The following ZNF418 variants were observed in gnomAD, a reference collection of about 807,000 sequenced individuals.
ZNF418 encodes the protein zinc finger protein 418.
A neutral mutation model predicts 32.0 loss-of-function variants in ZNF418; 32 were observed. That is an observed-to-expected ratio of 1.00 (90% CI 0.75 to 1.34). The LOEUF is 1.34. Ranked by LOEUF, ZNF418 falls within the 40% of genes most tolerant of loss-of-function variation. The pLI is 0.00. For synonymous variants in ZNF418, 276 were observed against 270.7 expected (o/e 1.02, Z -0.19); for missense variants, 804 against 812.5 (o/e 0.99, Z 0.13).
In ZNF418 at chr19:57,933,727, A is replaced by C. The variant is rs567487307; in HGVS notation, c.6+90T>G. 30 of 1,561,740 alleles carry C rather than the reference A, an allele frequency of 1.9e-5. No individual in the cohort carries two copies. In the South Asian group the frequency reaches 3.3e-4, roughly 17 times the overall value. ...TAGAGCGAGACTCCCGCTCAAAAAA[A>C]AAAGGAAAATCTAGTTGCCATTTTA... On this transcript the variant is annotated intron_variant, in intron 2 of 5. Coordinates refer to ENST00000396147, the MANE Select transcript of ZNF418 (RefSeq NM_133460.3).
intron 2 of ZNF418, among the ~76,000 whole-genome samples, chr19:57,933,133 A>G (rs559752596): frequency 8.5e-5 from 13 of 152,324 alleles, no homozygotes; most frequent in African/African-American, 3.1e-4. Flanking sequence ...GACTCTTAAC[A>G]TGGTCAAAAC....
Position 57,926,380 on chromosome 19 carries a change from T to G in ZNF418, c.1801A>C (p.Thr601Pro), listed in dbSNP as rs201663484. Residue 601 changes from threonine (T) to proline (P), a missense_variant, in exon 4 of 6, where the codon ACT becomes CCT. Thr to Pro is a conservative substitution (Grantham distance 38). Transcript: ENST00000396147. ...TGTTTAAAATGCGCAGACCTTCGAGTAAATGTTTTTCCACATTCCCTGCAT... is the reference window on the plus strand; with the variant it reads ...TGTTTAAAATGCGCAGACCTTCGAGGAAATGTTTTTCCACATTCCCTGCAT... ...YECRECGKTF[T>P]RRSAHFKHQR... The G allele has an allele frequency of 3.3e-5, 53 of 1,600,454 alleles. No homozygotes were observed. Among genetic ancestry groups the G allele is most frequent in the Non-Finnish European group, 4.4e-5 (51 of 1,170,460 alleles).
chr19:57,933,742 T>C (rs1227228430), intron 2 of ZNF418, 75 bp downstream of exon 2: 33 of 1,584,472 alleles, frequency 2.1e-5, no homozygotes, highest in Non-Finnish European at 2.5e-5. Flanking sequence ...GAAAATCTAG[T>C]TGCCATTTTA....
intron 3 of ZNF418, among the ~76,000 whole-genome samples, chr19:57,929,140 T>C (rs1006059627): frequency 2.6e-5 from 4 of 152,150 alleles, no homozygotes; most frequent in Non-Finnish European, 4.4e-5. Flanking sequence ...GGAAGATTCG[T>C]TGGGGGATGG....
At chr19:57,924,510 G>A (rs1265613120) in intron 4 of ZNF418, among the ~76,000 whole-genome samples, 1 of 152,186 alleles carries the variant, frequency 6.6e-6, no homozygotes, top group East Asian at 1.9e-4. Flanking sequence ...GTACCTGACA[G>A]TCCACCACAT....
At position 57,926,086 on chromosome 19, in the gene ZNF418, A is replaced by G. The variant is rs1175507708; in HGVS notation, c.*64T>C. Reference sequence around the variant, plus strand: ...TGTCACACTCATAAGGTCCTGATCCAGTAAGAACCCTCTGATCAAGAAGAT... The same window carrying G: ...TGTCACACTCATAAGGTCCTGATCCGGTAAGAACCCTCTGATCAAGAAGAT... On this transcript the variant is annotated 3_prime_UTR_variant, in exon 4 of 6. Transcript: ENST00000396147. 2.2e-6 allele frequency: 3 copies of G among 1,391,246 alleles called. No homozygotes were observed. The highest frequency in any genetic ancestry group is 2.9e-5 in the African/African-American group (2 of 69,204). The allele number at this position is 1,391,246 out of a possible 1,614,324, so 86.2% of individuals were successfully genotyped here. A position where few individuals can be genotyped will look rare whatever the true frequency, so the allele number is the denominator to read the frequency against.
intron 4 of ZNF418, among the ~76,000 whole-genome samples, chr19:57,924,116 G>T (rs2072117098): frequency 6.6e-6 from 1 of 151,402 alleles, no homozygotes; most frequent in African/African-American, 2.4e-5. Context: ...ACTCCAGCCT[G>T]GGTCACAGAG....
intron 3 of ZNF418, among the ~76,000 whole-genome samples, chr19:57,930,100 G>C (rs1043277556): frequency 6.6e-6 from 1 of 152,228 alleles, no homozygotes; most frequent in Admixed American, 6.5e-5. Flanking sequence ...AAGGAAGGAA[G>C]TAGAACCTGG....
intron 2 of ZNF418, chr19:57,932,478 A>G (rs1431438394): frequency 7.2e-6 from 11 of 1,535,330 alleles, no homozygotes; most frequent in African/African-American, 1.4e-5. Context: ...AAGTCATTCT[A>G]TGAAGGCCTT....
At chr19:57,934,435 C>T (rs922341942) in intron 1 of ZNF418, among the ~76,000 whole-genome samples, 1 of 152,168 alleles carries the variant, frequency 6.6e-6, no homozygotes, top group African/African-American at 2.4e-5. Flanking sequence ...AGGCTGGTCT[C>T]GAACTCCCGA....
In ZNF418 at chr19:57,935,328, C is replaced by A; in HGVS notation, c.-248G>T. 1.3e-6 allele frequency: 1 copy of A among 755,682 alleles called. No homozygotes were observed. The highest frequency in any genetic ancestry group is 4.1e-5 in the South Asian group (1 of 24,398). The allele number at this position is 755,682 out of a possible 1,614,324, so 46.8% of individuals were successfully genotyped here. On this transcript the variant is annotated 5_prime_UTR_variant, in exon 1 of 6. It adds an upstream start codon to the 5' untranslated region. Transcript: ENST00000396147. ...CGGTTCGGACCCATAGCTCCAGCGC[C>A]TCTCACCTCACAAACCGCAGAAACA... is the stretch of plus-strand genomic sequence containing the variant.
chr19:57,923,445 T>C (rs1312712092), intron 4 of ZNF418, among the ~76,000 whole-genome samples, 156 bp from the exon 5 acceptor site: 2 of 135,070 alleles, frequency 1.5e-5, no homozygotes, highest in African/African-American at 2.6e-5. Flanking sequence ...CACACATACA[T>C]ATATACACAC....
chr19:57,923,024 G>A (rs2072053125), intron 5 of ZNF418, among the ~76,000 whole-genome samples, 168 bp downstream of exon 5: 1 of 148,086 alleles, frequency 6.8e-6, no homozygotes. Flanking sequence ...AAAGGGCCAG[G>A]CACTATGGCT....
At chr19:57,931,672 T>C (rs1049593214) in intron 2 of ZNF418, among the ~76,000 whole-genome samples, 1 of 152,238 alleles carries the variant, frequency 6.6e-6, no homozygotes, top group Non-Finnish European at 1.5e-5. Flanking sequence ...TCATGGCTCA[T>C]GGAAAGTTCA....
At chr19:57,931,098 G>A (rs968715561) in intron 2 of ZNF418, among the ~76,000 whole-genome samples, 1 of 151,768 alleles carries the variant, frequency 6.6e-6, no homozygotes, top group Non-Finnish European at 1.5e-5. Flanking sequence ...AACATAAAAG[G>A]GTCCACCCCC....
intron 2 of ZNF418, 73 bp from the exon 3 acceptor site, chr19:57,930,627 C>T: frequency 1.3e-6 from 2 of 1,594,780 alleles, no homozygotes; most frequent in Non-Finnish European, 1.7e-6. Context: ...TCTCCCACAC[C>T]CCCACCCCCT....
rs549225277 is a variant in ZNF418, at chr19:57,926,108, A to G, written c.*42T>C. The G allele has an allele frequency of 1.3e-6, 2 of 1,505,954 alleles. No individual in the cohort carries two copies. Among genetic ancestry groups the G allele is most frequent in the South Asian group, 1.2e-5 (1 of 81,426 alleles). 93.3% of individuals were successfully genotyped at this position (1,505,954 alleles called of 1,614,324 possible). A position where few individuals can be genotyped will look rare whatever the true frequency, so the allele number is the denominator to read the frequency against. On this transcript the variant is annotated 3_prime_UTR_variant, in exon 4 of 6. Coordinates refer to ENST00000396147, the MANE Select transcript of ZNF418 (RefSeq NM_133460.3). The stretch of plus-strand genomic sequence containing the variant: ...TCCAGTAAGAACCCTCTGATCAAGA[A>G]GATGCACAGAGGTTTAGCTAAAGAA...
intron 4 of ZNF418, among the ~76,000 whole-genome samples, chr19:57,925,143 G>A (rs1360601932): frequency 6.6e-6 from 1 of 152,094 alleles, no homozygotes; most frequent in African/African-American, 2.4e-5. Context: ...ATGTTCTTTG[G>A]TTGGAACTTA....
Position 57,934,103 on chromosome 19 carries a change from C to A in ZNF418, c.-80-201G>T, listed in dbSNP as rs924335690. ...TTAGGATTCTGGGTTTAGGGTTTCTCCAGTGTTCTCAGATCAAAGGACTGA... is the reference window on the plus strand; with the variant it reads ...TTAGGATTCTGGGTTTAGGGTTTCTACAGTGTTCTCAGATCAAAGGACTGA... On this transcript the variant is annotated intron_variant, in intron 1 of 5. Coordinates refer to ENST00000396147, the MANE Select transcript of ZNF418 (RefSeq NM_133460.3). 2.2e-6 allele frequency: 3 copies of A among 1,388,480 alleles called. No homozygotes were observed. The African/African-American group carries it at 4.4e-5, about 20-fold the overall frequency. The allele number at this position is 1,388,480 out of a possible 1,614,324, so 86.0% of individuals were successfully genotyped here. A position where few individuals can be genotyped will look rare whatever the true frequency, so the allele number is the denominator to read the frequency against.
Sources: allele counts gnomAD v4.1 joint callset (sites outside exome capture counted in the v4.1 genomes callset), GRCh38; gene constraint gnomAD v4.1.1; transcripts MANE v1.5; gene names NCBI Gene and HGNC (gene_info 2026-07-23, HGNC 2026-07-21).